RIPOR3: variants seen among roughly 807,000 people sequenced by gnomAD.
The protein encoded by RIPOR3 is RIPOR family member 3, also known as family with sequence similarity 65 member C.
A neutral mutation model predicts 114.3 loss-of-function variants in RIPOR3; 95 were observed. That is an observed-to-expected ratio of 0.83 (90% CI 0.70 to 0.99). The LOEUF (loss-of-function observed/expected upper bound fraction) is 0.99. RIPOR3 is among the 50% of genes least tolerant of loss of function. The pLI is 0.00. For synonymous variants in RIPOR3, 575 were observed against 543.8 expected (o/e 1.06, Z -0.80); for missense variants, 1,252 against 1,266.9 (o/e 0.99, Z 0.18).
Position 50,593,261 on chromosome 20 carries a change from G to C in RIPOR3, c.2213-65C>G, listed in dbSNP as rs574095176. 1.2e-4 allele frequency: 189 copies of C among 1,552,542 alleles called. No homozygotes were observed. In the East Asian group the frequency reaches 4.0e-3, roughly 33 times the overall value. On this transcript the variant is annotated intron_variant, in intron 17 of 21. Coordinates refer to ENST00000327979, the MANE Select transcript of RIPOR3 (RefSeq NM_001290268.2). ...TCGACCCTCCACGCTTCTCAGCTGG[G>C]AGTAGCCTGGTCAGCTAAAAGGCTT...
At chr20:50,614,378 C>A (rs2084086338) in intron 4 of RIPOR3, among the ~76,000 whole-genome samples, 1 of 152,198 alleles carries the variant, frequency 6.6e-6, no homozygotes, top group Non-Finnish European at 1.5e-5. Context: ...CCCCTCCTCG[C>A]TTTCCCAGTC....
At chr20:50,614,971 C>G (rs113284755) in intron 4 of RIPOR3, among the ~76,000 whole-genome samples, 1 of 151,998 alleles carries the variant, frequency 6.6e-6, no homozygotes, top group East Asian at 1.9e-4. Flanking sequence ...GCAGGACAAT[C>G]GCTTGAATCT....
intron 1 of RIPOR3, among the ~76,000 whole-genome samples, chr20:50,653,378 G>C (rs2085686645): frequency 6.6e-6 from 1 of 151,998 alleles, no homozygotes; most frequent in African/African-American, 2.4e-5. Context: ...GATTTAGATA[G>C]TGGTGATGGT....
At chr20:50,676,127 C>A (rs2086669325) in intron 1 of RIPOR3, among the ~76,000 whole-genome samples, 1 of 152,202 alleles carries the variant, frequency 6.6e-6, no homozygotes, top group Admixed American at 6.6e-5. Context: ...GTTCCTTCGC[C>A]TTTTGTCCCA....
intron 4 of RIPOR3, among the ~76,000 whole-genome samples, chr20:50,612,737 C>T (rs2084020221): frequency 6.6e-6 from 1 of 152,126 alleles, no homozygotes; most frequent in Non-Finnish European, 1.5e-5. Context: ...AAGAAGGATT[C>T]AACCCCAAAA....
intron 19 of RIPOR3, chr20:50,590,027 C>T (rs2083060152): frequency 2.2e-5 from 8 of 369,812 alleles, no homozygotes; most frequent in Middle Eastern, 8.7e-4. Flanking sequence ...AATAATATTC[C>T]GGAAGTGCAT....
chr20:50,618,728 A>C (rs925516400), intron 3 of RIPOR3, among the ~76,000 whole-genome samples: 36 of 151,952 alleles, frequency 2.4e-4, no homozygotes, highest in Non-Finnish European at 8.8e-5. Flanking sequence ...GGAGGTAGGG[A>C]TTTTGTGTGT....
intron 13 of RIPOR3, among the ~76,000 whole-genome samples, chr20:50,600,555 TTGA>T (rs1322131185): frequency 6.6e-6 from 1 of 152,050 alleles, no homozygotes; most frequent in Non-Finnish European, 1.5e-5. Context: ...GTCCAGGAGT[TTGA>T]GACCAGCCTG....
chr20:50,678,621 G>A (rs2086753482), intron 1 of RIPOR3, among the ~76,000 whole-genome samples: 1 of 152,302 alleles, frequency 6.6e-6, no homozygotes. Flanking sequence ...CTGATCTCAC[G>A]TCCATCATCA....
chr20:50,608,517 G>T lies in RIPOR3; in HGVS notation c.828C>A (p.Gly276=), dbSNP rs2083813603. 1 of 1,613,714 alleles carries T rather than the reference G, an allele frequency of 6.2e-7. No individual in the cohort carries two copies. Among genetic ancestry groups the T allele is most frequent in the Admixed American group, 1.7e-5 (1 of 60,004 alleles). ...NLDIKVTELR[G]LGSLAVGAVT... ...CTGCACCCACAGCCAGCGAGCCCAGGCCCCGCAACTCCGTCACCTGGGGGT... is the reference window on the plus strand; with the variant it reads ...CTGCACCCACAGCCAGCGAGCCCAGTCCCCGCAACTCCGTCACCTGGGGGT... The change falls in exon 11 of 22, where the codon GGC becomes GGA. Residue 276 remains glycine (G), a synonymous_variant. Transcript: ENST00000327979.
chr20:50,606,790 C>T (rs186658952), intron 11 of RIPOR3, among the ~76,000 whole-genome samples: 2 of 151,608 alleles, frequency 1.3e-5, no homozygotes, highest in South Asian at 2.1e-4. Context: ...AGTGCGGTGG[C>T]GCCATCTTGG....
chr20:50,680,983 G>T (rs908790768), intron 1 of RIPOR3, among the ~76,000 whole-genome samples: 5 of 152,126 alleles, frequency 3.3e-5, no homozygotes, highest in African/African-American at 7.2e-5. Context: ...CAGGACTTTG[G>T]GGGGCTAAGG....
chr20:50,594,554 T>C lies in RIPOR3; in HGVS notation c.2211A>G (p.Ile737Met). The change falls in exon 17 of 22, where the codon ATA becomes ATG. Residue 737 changes from isoleucine to methionine, a missense_variant and splice_region_variant. By Grantham distance (10) the Ile-to-Met change is conservative. Coordinates refer to ENST00000327979, the MANE Select transcript of RIPOR3 (RefSeq NM_001290268.2). ...ACGACAGGACAGAAGGGAACCCACC[T>C]ATTTCCAGCTGTCCTGGGTACTTCC... The part of the protein sequence containing the change: ...VRGKYPGQLE[I>M]ACRRLLEQVV... The C allele has an allele frequency of 6.2e-7, 1 of 1,613,300 alleles. No individual in the cohort carries two copies. The highest frequency in any genetic ancestry group is 1.3e-5 in the African/African-American group (1 of 75,046).
chr20:50,647,881 T>C (rs2085469391), intron 1 of RIPOR3, among the ~76,000 whole-genome samples: 1 of 152,218 alleles, frequency 6.6e-6, no homozygotes, highest in Non-Finnish European at 1.5e-5. Context: ...ATCTTACAGT[T>C]ACTTTCAGTT....
At chr20:50,615,565 G>T (rs1239396537) in intron 4 of RIPOR3, among the ~76,000 whole-genome samples, 3 of 150,404 alleles carry the variant, frequency 2.0e-5, no homozygotes, top group Non-Finnish European at 4.4e-5. Context: ...CCTGATGATG[G>T]CAGGAAACGC....
intron 1 of RIPOR3, among the ~76,000 whole-genome samples, chr20:50,650,055 T>C (rs1340104498): frequency 6.6e-6 from 1 of 152,050 alleles, no homozygotes; most frequent in South Asian, 2.1e-4. Flanking sequence ...TTATTTCTCA[T>C]GGTTCTGGAA....
At chr20:50,611,490 G>A (rs2083978684) in intron 4 of RIPOR3, among the ~76,000 whole-genome samples, 1 of 152,178 alleles carries the variant, frequency 6.6e-6, no homozygotes, top group African/African-American at 2.4e-5. Flanking sequence ...CTGGGCCTCC[G>A]TTTCCTCCTA....
At chr20:50,637,364 C>T (rs943088219) in intron 1 of RIPOR3, among the ~76,000 whole-genome samples, 4 of 152,144 alleles carry the variant, frequency 2.6e-5, no homozygotes, top group South Asian at 2.1e-4. Flanking sequence ...TCTTCCCTAT[C>T]ACTCTCTCCC....
chr20:50,594,459 G>A, intron 17 of RIPOR3, 94 bp downstream of exon 17: 1 of 1,416,974 alleles, frequency 7.1e-7, no homozygotes, highest in Middle Eastern at 1.9e-4. Context: ...TGAAGACAGG[G>A]CTGAAATGAG....
Sources: gnomAD v4.1 joint callset for allele counts (sites outside exome capture counted in the v4.1 genomes callset) on GRCh38, gnomAD v4.1.1 for gene constraint, MANE v1.5 for transcripts, NCBI Gene and HGNC (gene_info 2026-07-23, HGNC 2026-07-21) for gene names.